Variants in RASEF observed in about 807,000 individuals in gnomAD.
The protein encoded by RASEF is ras and EF-hand domain-containing protein.
In RASEF, 68 loss-of-function variants were observed where a neutral mutation model predicts 90.1. The ratio of observed to expected loss-of-function variants is 0.75; its 90% CI spans 0.62 to 0.92. RASEF has a LOEUF of 0.92. Ranked by LOEUF, RASEF falls within the 40% of genes least tolerant of loss-of-function variation. RASEF has a pLI of 0.00. For missense variants in RASEF, 949 were observed against 937.2 expected (o/e 1.01, Z -0.16); for synonymous variants, 331 against 345.2 (o/e 0.96, Z 0.46).
intron 9 of RASEF, 131 bp from the exon 10 acceptor site, chr9:83,001,261 G>A: frequency 1.6e-6 from 1 of 627,478 alleles, no homozygotes; most frequent in South Asian, 2.1e-5. Flanking sequence ...GTTATTTCAT[G>A]ATTAGGCATT....
chr9:83,215,034 A>G, the RASEF span, among the ~76,000 whole-genome samples: 2 of 151,684 alleles, frequency 1.3e-5, no homozygotes, highest in African/African-American at 4.8e-5. Flanking sequence ...TGAGACAAGC[A>G]GAAAGACAGC....
chr9:83,184,370 G>A, the RASEF span, among the ~76,000 whole-genome samples: 2 of 152,204 alleles, frequency 1.3e-5, 1 homozygote, highest in Non-Finnish European at 2.9e-5. Context: ...CAAAGGGAAA[G>A]CAGGGGTAAA....
rs796310857 is a variant in RASEF, at chr9:83,046,025, GA to G, written c.431+16411del. On this transcript the variant is annotated intron_variant, in intron 1 of 16. Transcript: ENST00000376447. ...CTCCATTAAGCTTCCTTCACCTTCG[GA>G]AAAAAAAAAAAAACCCTGCAAAATC... 2.7e-3 allele frequency among the ~76,000 whole-genome samples: 336 copies of G among 123,734 alleles called. 1 individual carries two copies. Among genetic ancestry groups the G allele is most frequent in the Middle Eastern group, 0.013 (3 of 236 alleles). The allele number at this position is 123,734 out of a possible 152,430, so 81.2% of individuals were successfully genotyped here.
chr9:83,022,453 T>G, intron 2 of RASEF, 27 bp from the exon 3 acceptor site: 1 of 1,503,588 alleles, frequency 6.7e-7, no homozygotes, highest in Non-Finnish European at 9.3e-7. Flanking sequence ...TGCACACCTT[T>G]TCATTATACT....
chr9:83,153,310 G>A, the RASEF span, among the ~76,000 whole-genome samples: 1 of 151,910 alleles, frequency 6.6e-6, no homozygotes, highest in South Asian at 2.1e-4. Context: ...CTCTCCACAA[G>A]GCACTTATTA....
the RASEF span, among the ~76,000 whole-genome samples, chr9:83,112,833 T>G: frequency 2.0e-5 from 3 of 152,346 alleles, no homozygotes; most frequent in South Asian, 4.1e-4. Flanking sequence ...TTTTTTGTTT[T>G]TTGTTTTTTT....
At chr9:83,082,467 A>G in the RASEF span, among the ~76,000 whole-genome samples, 1 of 152,204 alleles carries the variant, frequency 6.6e-6, no homozygotes, top group Non-Finnish European at 1.5e-5. Flanking sequence ...CGTTTGCACC[A>G]GCACACCCTA....
the RASEF span, among the ~76,000 whole-genome samples, chr9:83,114,804 T>C: frequency 6.6e-6 from 1 of 152,204 alleles, no homozygotes; most frequent in African/African-American, 2.4e-5. Flanking sequence ...TAAGATGTTA[T>C]CAGTGACAAT....
rs1830247875 is a variant in RASEF, at chr9:83,063,106, G to A, written c.-239C>T. On this transcript the variant is annotated 5_prime_UTR_variant, in exon 1 of 17. Coordinates refer to ENST00000376447, the MANE Select transcript of RASEF (RefSeq NM_152573.4). ...GTCCCGGGAGCGGTGGGGTGCGCCC[G>A]GGCTCCAGGCACCGCCAAGGAGCGC... The A allele has an allele frequency of 4.3e-6, 2 of 468,032 alleles. No homozygotes were observed. Among genetic ancestry groups the A allele is most frequent in the African/African-American group, 4.1e-5 (2 of 48,686 alleles). 29.0% of individuals were successfully genotyped at this position (468,032 alleles called of 1,614,324 possible). A position where few individuals can be genotyped will look rare whatever the true frequency, so the allele number is the denominator to read the frequency against.
chr9:83,168,289 A>G, the RASEF span, among the ~76,000 whole-genome samples: 65 of 152,224 alleles, frequency 4.3e-4, no homozygotes, highest in Admixed American at 1.3e-3. Flanking sequence ...CTTATTGGCC[A>G]TTTGTGTGTC....
At chr9:83,160,475 GA>G in the RASEF span, among the ~76,000 whole-genome samples, 2 of 152,228 alleles carry the variant, frequency 1.3e-5, no homozygotes, top group African/African-American at 4.8e-5. Context: ...AGGGTTGGTG[GA>G]AAAAATTTCT....
chr9:83,117,243 G>A, the RASEF span, among the ~76,000 whole-genome samples: 236 of 152,326 alleles, frequency 1.5e-3, 1 homozygote, highest in African/African-American at 5.5e-3. Context: ...AAGTGGAAGA[G>A]AAGATGGCAG....
chr9:83,176,699 C>T, the RASEF span, among the ~76,000 whole-genome samples: 138 of 151,948 alleles, frequency 9.1e-4, no homozygotes, highest in Non-Finnish European at 1.5e-3. Flanking sequence ...TTATCAAAAT[C>T]GACTTAAGAT....
At chr9:83,131,586 C>A in the RASEF span, among the ~76,000 whole-genome samples, 1 of 152,180 alleles carries the variant, frequency 6.6e-6, no homozygotes, top group African/African-American at 2.4e-5. Flanking sequence ...ACTGATCTCG[C>A]TCGGCAAAGA....
chr9:83,001,085 G>T lies in RASEF; in HGVS notation c.1248C>A (p.Ala416=). The T allele has an allele frequency of 6.2e-7, 1 of 1,614,130 alleles. No individual in the cohort carries two copies. Among genetic ancestry groups the T allele is most frequent in the Non-Finnish European group, 8.5e-7 (1 of 1,180,008 alleles). ...SYVDEDCDSL[A]LCDPLQRTNC... ...TTGTCCTCTGCAGAGGATCACAGAG[G>T]GCCAGGGAGTCACAGTCCTCATCCA... The change falls in exon 10 of 17, where the codon GCC becomes GCA. Residue 416 remains alanine, a synonymous_variant. Coordinates refer to ENST00000376447, the MANE Select transcript of RASEF (RefSeq NM_152573.4).
chr9:83,180,321 A>T, the RASEF span, among the ~76,000 whole-genome samples: 9 of 152,126 alleles, frequency 5.9e-5, no homozygotes, highest in African/African-American at 1.9e-4. Flanking sequence ...TAAGGAGGAA[A>T]TTTCAGGCTG....
chr9:83,133,043 C>T, the RASEF span, among the ~76,000 whole-genome samples: 1 of 152,178 alleles, frequency 6.6e-6, no homozygotes, highest in African/African-American at 2.4e-5. Flanking sequence ...ATGGGCTTAA[C>T]AAACATTTCG....
At chr9:83,065,970 C>A (rs1830279228), upstream of RASEF, among the ~76,000 whole-genome samples, 1 of 152,092 alleles carries the variant, frequency 6.6e-6, no homozygotes, top group African/African-American at 2.4e-5. Flanking sequence ...ATTATCTGGC[C>A]AAAAATGTCA....
chr9:83,199,334 T>C, the RASEF span, among the ~76,000 whole-genome samples: 13 of 151,742 alleles, frequency 8.6e-5, no homozygotes, highest in Non-Finnish European at 1.8e-4. Flanking sequence ...GTTAAGTATT[T>C]TTTACAAAAG....
Sources: allele counts gnomAD v4.1 joint callset (sites outside exome capture counted in the v4.1 genomes callset), GRCh38; gene constraint gnomAD v4.1.1; transcripts MANE v1.5; gene names NCBI Gene and HGNC (gene_info 2026-07-23, HGNC 2026-07-21).